Variants in WASHC2C observed in about 807,000 individuals in gnomAD.
WASHC2C encodes the protein Vaccinia Penetration Factor.
Under a neutral mutation model 142.2 loss-of-function variants are expected in WASHC2C, and 73 were observed. That is an observed-to-expected ratio of 0.51 (90% CI 0.43 to 0.62). The LOEUF is 0.62. Among genes scored for constraint, WASHC2C ranks in the 20% least tolerant of loss-of-function variants. The probability of loss-of-function intolerance (pLI) is 0.00; values close to 1 mark genes in which losing one functional copy is unlikely to be tolerated. For missense variants in WASHC2C, 969 were observed against 1,531.7 expected, an observed-to-expected ratio of 0.63 and a Z score of 6.13; for synonymous variants, 337 against 565.5, an observed-to-expected ratio of 0.60 and a Z score of 5.73.
intron 18 of WASHC2C, among the ~76,000 whole-genome samples, chr10:45,763,708 A>G (rs1589798982): frequency 6.7e-6 from 1 of 149,318 alleles, no homozygotes; most frequent in African/African-American, 2.5e-5. Context: ...TTCTTGACGC[A>G]GTTCTTTTTT....
intron 29 of WASHC2C, 68 bp downstream of exon 29, chr10:45,789,559 G>C: frequency 6.2e-7 from 1 of 1,604,580 alleles, no homozygotes; most frequent in Non-Finnish European, 8.5e-7. Context: ...GCTTATTTGA[G>C]CCATAGATTA....
intron 23 of WASHC2C, 48 bp downstream of exon 23, chr10:45,779,183 C>T (rs782579182): frequency 5.6e-6 from 9 of 1,609,838 alleles, no homozygotes; most frequent in Non-Finnish European, 7.6e-6. Context: ...AGATAAAAGA[C>T]TCTCATCTCA....
intron 11 of WASHC2C, among the ~76,000 whole-genome samples, 195 bp downstream of exon 11, chr10:45,751,748 C>T (rs1182470697): frequency 2.8e-4 from 42 of 152,252 alleles, no homozygotes; most frequent in Middle Eastern, 3.4e-3. Flanking sequence ...GAGGCCGAGG[C>T]GGGTGGATCA....
In WASHC2C at chr10:45,755,116, G is replaced by T. The variant is rs782560786; in HGVS notation, c.1420+1G>T. On this transcript the variant is annotated splice_donor_variant, in intron 15 of 30. Transcript: ENST00000623400. LOFTEE classifies it high-confidence loss of function. ...CCCCACAGCAAACCTTCTAAAACAC[G>T]TATGTGTTCCTGCCTCCGTTTCTAG... 1.9e-6 allele frequency: 3 copies of T among 1,604,222 alleles called. No individual in the cohort carries two copies. The highest frequency in any genetic ancestry group is 1.7e-5 in the Admixed American group (1 of 58,690).
intron 23 of WASHC2C, among the ~76,000 whole-genome samples, chr10:45,780,585 A>G (rs2057415606): frequency 6.6e-6 from 1 of 152,220 alleles, no homozygotes; most frequent in Non-Finnish European, 1.5e-5. Context: ...GTATTTGCAG[A>G]TGGCATGATC....
chr10:45,727,194 C>T, upstream of WASHC2C: 6 of 1,468,174 alleles, frequency 4.1e-6, no homozygotes, highest in South Asian at 5.5e-5. Flanking sequence ...GGTTCTGTCA[C>T]GTGACATCAG....
chr10:45,742,056 A>G (rs1167603327), intron 5 of WASHC2C, among the ~76,000 whole-genome samples: 5 of 151,004 alleles, frequency 3.3e-5, no homozygotes, highest in African/African-American at 9.8e-5. Context: ...CGGCCTCCCA[A>G]AAGTACTGGG....
Position 45,784,293 on chromosome 10 carries a change from C to CACATATATAT in WASHC2C, c.2479-271_2479-270insCATATATATA, listed in dbSNP as rs1305333868. Among the ~76,000 whole-genome samples, 599 of 63,534 alleles carry CACATATATAT rather than the reference C, an allele frequency of 9.4e-3. 15 individuals carry two copies. Among genetic ancestry groups the CACATATATAT allele is most frequent in the South Asian group, 0.014 (23 of 1,620 alleles). 41.7% of individuals were successfully genotyped at this position (63,534 alleles called of 152,430 possible). ...ATATATATATATATATATATATACACATATATATATATATATATACACACA... is the reference window on the plus strand; with the variant it reads ...ATATATATATATATATATATATACACACATATATATATATATATATATATATATACACACA... On this transcript the variant is annotated intron_variant, in intron 23 of 30. Coordinates refer to ENST00000623400, the MANE Select transcript of WASHC2C (RefSeq NM_001330074.2).
intron 12 of WASHC2C, 65 bp downstream of exon 12, chr10:45,752,771 A>G (rs2053765795): frequency 9.0e-7 from 1 of 1,116,266 alleles, no homozygotes; most frequent in African/African-American, 1.7e-5. Flanking sequence ...CAGGGAAGAT[A>G]TAGGCTTTGC....
intron 15 of WASHC2C, 80 bp from the exon 16 acceptor site, chr10:45,756,932 G>C: frequency 9.0e-7 from 1 of 1,115,246 alleles, no homozygotes; most frequent in Non-Finnish European, 1.3e-6. Context: ...TTCTTTGGGA[G>C]GGAAGAATTT....
At chr10:45,727,108 G>C, upstream of WASHC2C, 2 of 1,400,740 alleles carry the variant, frequency 1.4e-6, no homozygotes, top group Non-Finnish European at 1.8e-6. Context: ...CCCAACCTAG[G>C]GTAGAACCCC....
chr10:45,738,897 G>A (rs2051622812), intron 4 of WASHC2C, among the ~76,000 whole-genome samples: 1 of 152,170 alleles, frequency 6.6e-6, no homozygotes, highest in Non-Finnish European at 1.5e-5. Context: ...TGTAGAGACG[G>A]GGTTTCGCCA....
At chr10:45,748,942 C>T (rs1426064782) in intron 8 of WASHC2C, among the ~76,000 whole-genome samples, 2 of 152,074 alleles carry the variant, frequency 1.3e-5, no homozygotes, top group Non-Finnish European at 2.9e-5. Flanking sequence ...CATCTGTTTC[C>T]ATAGAAATGC....
Sources: allele counts gnomAD v4.1 joint callset (sites outside exome capture counted in the v4.1 genomes callset), GRCh38; gene constraint gnomAD v4.1.1; transcripts MANE v1.5; gene names NCBI Gene and HGNC (gene_info 2026-07-23, HGNC 2026-07-21).